Variants in CDH13 observed in about 807,000 individuals in gnomAD.
The protein encoded by CDH13 is cadherin 13.
CDH13 carries 24 observed loss-of-function variants against 63.8 expected under a neutral mutation model. The observed-to-expected ratio is 0.38, with a 90% CI of 0.27 to 0.53. The LOEUF is 0.53. Ranked by LOEUF, CDH13 falls within the 20% of genes least tolerant of loss-of-function variation. CDH13 has a pLI of 0.85. For synonymous variants in CDH13, 503 were observed against 355.3 expected (o/e 1.42, Z -4.67); for missense variants, 1,049 against 903.1 (o/e 1.16, Z -2.07).
intron 7 of CDH13, among the ~76,000 whole-genome samples, chr16:83,589,645 G>T (rs1366122476): frequency 1.3e-5 from 2 of 152,068 alleles, no homozygotes; most frequent in South Asian, 2.1e-4. Context: ...AAGCCTGGTG[G>T]CATTTAGAGC....
intron 6 of CDH13, among the ~76,000 whole-genome samples, chr16:83,480,719 C>T (rs971075900): frequency 6.6e-6 from 1 of 152,186 alleles, no homozygotes; most frequent in Admixed American, 6.5e-5. Flanking sequence ...CTGGAATCCC[C>T]TCAGTCCTGG....
At chr16:82,847,765 T>C (rs1204236282) in intron 1 of CDH13, among the ~76,000 whole-genome samples, 1 of 152,208 alleles carries the variant, frequency 6.6e-6, no homozygotes, top group East Asian at 1.9e-4. Flanking sequence ...AAAGAGCATG[T>C]GAAGGCCATT....
intron 6 of CDH13, among the ~76,000 whole-genome samples, chr16:83,425,185 G>A (rs1294205055): frequency 6.6e-6 from 1 of 152,226 alleles, no homozygotes; most frequent in East Asian, 1.9e-4. Flanking sequence ...GAATGGAACA[G>A]CTGGAACGTA....
chr16:82,806,844 A>C (rs988547333), intron 1 of CDH13, among the ~76,000 whole-genome samples: 2 of 152,200 alleles, frequency 1.3e-5, no homozygotes, highest in East Asian at 3.9e-4. Flanking sequence ...ATAAAGAAGG[A>C]CAAAACATAA....
At chr16:83,374,794 C>T (rs375450203) in intron 6 of CDH13, among the ~76,000 whole-genome samples, 4 of 152,204 alleles carry the variant, frequency 2.6e-5, no homozygotes, top group Non-Finnish European at 4.4e-5. Context: ...ATCTAGTCTC[C>T]TGTTCTCACA....
intron 6 of CDH13, among the ~76,000 whole-genome samples, chr16:83,435,959 AG>A (rs2072288232): frequency 6.6e-6 from 1 of 152,192 alleles, no homozygotes; most frequent in Non-Finnish European, 1.5e-5. Flanking sequence ...CAATTTAAAA[AG>A]CTATTGAGAG....
chr16:83,207,408 G>A (rs920232675), intron 4 of CDH13, among the ~76,000 whole-genome samples: 3 of 152,192 alleles, frequency 2.0e-5, no homozygotes, highest in African/African-American at 7.2e-5. Context: ...ATAGGTATCA[G>A]CATCTCCTTC....
intron 2 of CDH13, among the ~76,000 whole-genome samples, chr16:82,910,850 T>G (rs2041807948): frequency 6.6e-6 from 1 of 152,200 alleles, no homozygotes. Context: ...GTGTTCTTTC[T>G]TACCCAGAGG....
At position 82,711,110 on chromosome 16, in the gene CDH13, G is replaced by A. The variant is rs150660120; in HGVS notation, c.45+83973G>A. ...CTGAATACCTCCTGGCAGTTTCTAC[G>A]TCTTTCTCAGGGCTTCTAAATAGGA... On this transcript the variant is annotated intron_variant, in intron 1 of 13. Transcript: ENST00000567109. 1.8e-3 allele frequency among the ~76,000 whole-genome samples: 275 copies of A among 152,138 alleles called. 1 individual carries two copies. Among genetic ancestry groups the A allele is most frequent in the African/African-American group, 6.0e-3 (247 of 41,496 alleles).
At chr16:82,917,183 A>G (rs1177640982) in intron 2 of CDH13, among the ~76,000 whole-genome samples, 1 of 152,200 alleles carries the variant, frequency 6.6e-6, no homozygotes, top group African/African-American at 2.4e-5. Flanking sequence ...AAGAGAGAAG[A>G]AAGGACCGCA....
At chr16:83,022,948 C>G (rs1915479938) in intron 2 of CDH13, 1 of 152,306 alleles carries the variant, frequency 6.6e-6, no homozygotes, top group Non-Finnish European at 1.5e-5. Context: ...AAGTTTAAAT[C>G]CATCTGCATT....
At chr16:83,090,321 A>G (rs55788756) in intron 3 of CDH13, among the ~76,000 whole-genome samples, 22,713 of 151,948 alleles carry the variant, frequency 0.15, 2,156 homozygotes, top group African/African-American at 0.27. Context: ...CATGCCTGTA[A>G]TCCCAGCACT....
chr16:82,803,694 A>G (rs73604889), intron 1 of CDH13, among the ~76,000 whole-genome samples: 9,313 of 152,200 alleles, frequency 0.061, 883 homozygotes, highest in African/African-American at 0.2. Flanking sequence ...AACCTGCAGG[A>G]TATTATGCTA....
chr16:82,840,411 A>G (rs2615131), intron 1 of CDH13, among the ~76,000 whole-genome samples: 118,935 of 150,230 alleles, frequency 0.79, 49,681 homozygotes, highest in Non-Finnish European at 0.94. Flanking sequence ...GGCCGGGTGC[A>G]GTGGCTCACA....
intron 7 of CDH13, among the ~76,000 whole-genome samples, chr16:83,524,558 T>C (rs2074914433): frequency 1.4e-5 from 2 of 147,328 alleles, no homozygotes; most frequent in Admixed American, 1.4e-4. Context: ...GTTCACGCCA[T>C]TCTCCTGCCT....
At chr16:83,106,497 C>T (rs953971143) in intron 3 of CDH13, among the ~76,000 whole-genome samples, 6 of 152,286 alleles carry the variant, frequency 3.9e-5, no homozygotes, top group South Asian at 2.1e-4. Flanking sequence ...GCCGAGATCA[C>T]GCCATTGCAC....
chr16:83,477,467 A>G (rs1171218708), intron 6 of CDH13, among the ~76,000 whole-genome samples: 1 of 152,168 alleles, frequency 6.6e-6, no homozygotes, highest in Non-Finnish European at 1.5e-5. Flanking sequence ...TAAAGAGCAC[A>G]GTTGTGTTCC....
chr16:83,477,553 C>G (rs1279234970), intron 6 of CDH13, among the ~76,000 whole-genome samples: 1 of 152,148 alleles, frequency 6.6e-6, no homozygotes, highest in East Asian at 1.9e-4. Flanking sequence ...CAGTGCTGCT[C>G]TCCCACAGGG....
At chr16:83,383,184 G>A (rs1468969013) in intron 6 of CDH13, 1 of 152,160 alleles carries the variant, frequency 6.6e-6, no homozygotes. Flanking sequence ...CTCGGGACCA[G>A]TTTCAGGTCA....
Sources: gnomAD v4.1 joint callset for allele counts (sites outside exome capture counted in the v4.1 genomes callset) on GRCh38, gnomAD v4.1.1 for gene constraint, MANE v1.5 for transcripts, NCBI Gene and HGNC (gene_info 2026-07-23, HGNC 2026-07-21) for gene names.